KIAA1549: variants seen among roughly 807,000 people sequenced by gnomAD.
The protein encoded by KIAA1549 is UPF0606 protein KIAA1549.
KIAA1549 carries 70 observed loss-of-function variants against 156.4 expected under a neutral mutation model. The ratio of observed to expected loss-of-function variants is 0.45; its 90% CI spans 0.37 to 0.55. The LOEUF (loss-of-function observed/expected upper bound fraction) is 0.55. Ranked by LOEUF, KIAA1549 falls within the 20% of genes least tolerant of loss-of-function variation. KIAA1549 has a pLI of 0.00. For missense variants in KIAA1549, 2,428 were observed against 2,540.9 expected, an observed-to-expected ratio of 0.96 and a Z score of 0.96; for synonymous variants, 1,103 against 1,066.4, an observed-to-expected ratio of 1.03 and a Z score of -0.67.
chr7:138,952,131 C>G (rs971164263), intron 1 of KIAA1549, among the ~76,000 whole-genome samples: 1 of 152,170 alleles, frequency 6.6e-6, no homozygotes, highest in South Asian at 2.1e-4. Flanking sequence ...GCACTTTACC[C>G]GTGCCTGGAT....
intron 1 of KIAA1549, among the ~76,000 whole-genome samples, chr7:138,956,642 TG>T (rs1392618819): frequency 2.4e-4 from 36 of 152,216 alleles, no homozygotes; most frequent in African/African-American, 8.7e-4. Context: ...CCTTCTGCCA[TG>T]ATTGTGATGC....
At chr7:138,838,609 C>A (rs1263253185) in intron 19 of KIAA1549, among the ~76,000 whole-genome samples, 1 of 152,146 alleles carries the variant, frequency 6.6e-6, no homozygotes, top group South Asian at 2.1e-4. Flanking sequence ...CTGATATTTG[C>A]CGCATAGAGA....
chr7:138,926,217 C>T (rs1471003976), intron 1 of KIAA1549, among the ~76,000 whole-genome samples: 2 of 152,194 alleles, frequency 1.3e-5, no homozygotes, highest in Non-Finnish European at 2.9e-5. Context: ...TAAGAGTTTA[C>T]CAACAAAAGC....
At chr7:138,936,054 G>A (rs758543069) in intron 1 of KIAA1549, among the ~76,000 whole-genome samples, 19 of 152,130 alleles carry the variant, frequency 1.2e-4, no homozygotes, top group South Asian at 2.1e-4. Context: ...CTGGCAGAGC[G>A]GAAAGAAGCA....
chr7:138,867,840 G>GCATCAGC (rs1810795137), intron 15 of KIAA1549, 135 bp downstream of exon 15: 2 of 926,562 alleles, frequency 2.2e-6, no homozygotes, highest in East Asian at 5.3e-5. Flanking sequence ...GGGCCCTGGT[G>GCATCAGC]CATCAGCCAT....
At chr7:138,845,038 C>CT (rs1008307237) in intron 17 of KIAA1549, among the ~76,000 whole-genome samples, 109 of 152,054 alleles carry the variant, frequency 7.2e-4, no homozygotes, top group African/African-American at 2.4e-3. Context: ...GGATCGCAAA[C>CT]TTTTTTTTAT....
intron 1 of KIAA1549, among the ~76,000 whole-genome samples, chr7:138,978,481 T>A (rs1401400850): frequency 1.0e-5 from 1 of 100,454 alleles, no homozygotes; most frequent in East Asian, 2.3e-4. Flanking sequence ...AACTTGTAAA[T>A]TTTTTTTTTA....
chr7:138,933,875 AGAATCACTTGAACCCAG>A (rs1158369495), intron 1 of KIAA1549, among the ~76,000 whole-genome samples: 19 of 152,354 alleles, frequency 1.2e-4, no homozygotes, highest in African/African-American at 4.6e-4. Flanking sequence ...CTGAGGCAGG[AGAATCACTTGAACCCAG>A]GAAGGGGAGG....
intron 16 of KIAA1549, among the ~76,000 whole-genome samples, chr7:138,854,084 A>G (rs1265146621): frequency 6.6e-6 from 1 of 152,224 alleles, no homozygotes; most frequent in African/African-American, 2.4e-5. Flanking sequence ...AAAAAAAATG[A>G]CAGACAGAAT....
chr7:138,893,635 G>A (rs1349389155), intron 10 of KIAA1549, among the ~76,000 whole-genome samples: 1 of 152,218 alleles, frequency 6.6e-6, no homozygotes, highest in Non-Finnish European at 1.5e-5. Context: ...CGTTTTTAAT[G>A]ATCAAGGTGG....
intron 9 of KIAA1549, among the ~76,000 whole-genome samples, chr7:138,897,886 CT>C (rs1325926460): frequency 2.4e-5 from 2 of 83,748 alleles, no homozygotes; most frequent in Admixed American, 3.6e-4. Flanking sequence ...GAGCAAGACC[CT>C]TTCTCAAAAA....
At chr7:138,942,029 ACCCTC>A (rs2130524635) in intron 1 of KIAA1549, among the ~76,000 whole-genome samples, 1 of 152,062 alleles carries the variant, frequency 6.6e-6, no homozygotes, top group South Asian at 2.1e-4. Flanking sequence ...GCCAATAGCC[ACCCTC>A]TCCCAGGTGC....
chr7:138,976,298 A>G (rs565957251), intron 1 of KIAA1549, among the ~76,000 whole-genome samples: 23 of 152,268 alleles, frequency 1.5e-4, no homozygotes, highest in African/African-American at 5.5e-4. Flanking sequence ...GCTGGTCTCC[A>G]ACTCCTGACC....
chr7:138,858,703 C>T (rs991191210), intron 16 of KIAA1549, among the ~76,000 whole-genome samples: 1 of 152,048 alleles, frequency 6.6e-6, no homozygotes, highest in African/African-American at 2.4e-5. Flanking sequence ...TCCCTCTGCT[C>T]AGGCTGCCAA....
rs75719314 is a variant in KIAA1549, at chr7:138,945,153, C to G, written c.188-25715G>C. On this transcript the variant is annotated intron_variant, in intron 1 of 19. Coordinates refer to ENST00000422774, the MANE Select transcript of KIAA1549 (RefSeq NM_001164665.2). ...TATTTTCTACCAGTATAGTGTCTCT[C>G]ACAGAGGAGTCCTGCTCTCAGAATC... Among the ~76,000 whole-genome samples, 96 of 152,336 alleles carry G rather than the reference C, an allele frequency of 6.3e-4. No individual in the cohort carries two copies. In the East Asian group the frequency reaches 0.016, roughly 25 times the overall value.
intron 12 of KIAA1549, among the ~76,000 whole-genome samples, chr7:138,875,944 C>T (rs530939174): frequency 2.0e-5 from 3 of 151,642 alleles, no homozygotes; most frequent in East Asian, 2.0e-4. Flanking sequence ...CACAGGCACA[C>T]ACCACCAGGC....
intron 1 of KIAA1549, among the ~76,000 whole-genome samples, chr7:138,934,382 C>T (rs73729969): frequency 0.29 from 43,029 of 150,022 alleles, 7,800 homozygotes; most frequent in African/African-American, 0.52. Flanking sequence ...GTTAGAGGGC[C>T]TCTCTGAATA....
chr7:138,961,189 T>C (rs1813834063), intron 1 of KIAA1549, among the ~76,000 whole-genome samples: 1 of 152,196 alleles, frequency 6.6e-6, no homozygotes, highest in Non-Finnish European at 1.5e-5. Flanking sequence ...GTTGCTCCTG[T>C]TGTCCTCGGA....
At chr7:138,927,063 A>G (rs1412825537) in intron 1 of KIAA1549, among the ~76,000 whole-genome samples, 1 of 152,182 alleles carries the variant, frequency 6.6e-6, no homozygotes, top group Admixed American at 6.5e-5. Context: ...ACTTTATCAA[A>G]ATGGAATCAC....
Sources: allele counts gnomAD v4.1 joint callset (sites outside exome capture counted in the v4.1 genomes callset), GRCh38; gene constraint gnomAD v4.1.1; transcripts MANE v1.5; gene names NCBI Gene and HGNC (gene_info 2026-07-23, HGNC 2026-07-21).